The following TMEM52B variants were observed in gnomAD, a reference collection of about 807,000 sequenced individuals.
TMEM52B encodes transmembrane protein 52B.
In TMEM52B, 11 loss-of-function variants were observed where a neutral mutation model predicts 16.1. The observed-to-expected ratio is 0.68, with a 90% CI of 0.43 to 1.13. The LOEUF is 1.13. Among genes scored for constraint, TMEM52B ranks in the 50% most tolerant of loss-of-function variants. The pLI is 0.00. For synonymous variants in TMEM52B, 101 were observed against 93.8 expected, an observed-to-expected ratio of 1.08 and a Z score of -0.45; for missense variants, 243 against 230.4, an observed-to-expected ratio of 1.05 and a Z score of -0.35.
intron 3 of TMEM52B, among the ~76,000 whole-genome samples, chr12:10,185,851 GAC>G (rs1314235093): frequency 1.3e-5 from 2 of 152,174 alleles, no homozygotes; most frequent in African/African-American, 2.4e-5. Context: ...AGACCAGCCT[GAC>G]CAACCTGGAG....
upstream of TMEM52B, among the ~76,000 whole-genome samples, chr12:10,176,075 A>G (rs902958350): frequency 5.3e-5 from 8 of 152,188 alleles, no homozygotes; most frequent in African/African-American, 1.9e-4. Context: ...GAACTGCACA[A>G]GATTGTATAG....
intron 2 of TMEM52B, among the ~76,000 whole-genome samples, chr12:10,183,295 T>A (rs1291195794): frequency 6.6e-6 from 1 of 152,186 alleles, no homozygotes; most frequent in African/African-American, 2.4e-5. Context: ...CTTGATTACC[T>A]GTCACATGCA....
chr12:10,186,510 G>C lies in TMEM52B; in HGVS notation c.228G>C (p.Gly76=). The C allele has an allele frequency of 6.2e-7, 1 of 1,609,920 alleles. No homozygotes were observed. Among genetic ancestry groups the C allele is most frequent in the Middle Eastern group, 1.7e-4 (1 of 6,026 alleles). Residue 76 remains glycine (G), a synonymous_variant, in exon 4 of 5, where the codon GGG becomes GGC. Coordinates refer to ENST00000543484, the MANE Select transcript of TMEM52B (RefSeq NM_001384896.1). ...RCCCLSRQQN[G]EDGGPPPCEV... ...GCTGTCTGAGCCGCCAGCAAAATGG[G>C]GAAGATGGGGGCCCACCACCCTGTG... is the stretch of plus-strand genomic sequence containing the variant.
intron 1 of TMEM52B, chr12:10,182,216 G>A (rs1948833197): frequency 1.0e-6 from 1 of 984,682 alleles, no homozygotes; most frequent in Admixed American, 6.2e-5. Context: ...GGAATTAGGA[G>A]GACAATGGCA....
chr12:10,184,764 T>C (rs1467390360), intron 2 of TMEM52B, among the ~76,000 whole-genome samples: 1 of 152,230 alleles, frequency 6.6e-6, no homozygotes, highest in African/African-American at 2.4e-5. Flanking sequence ...ACCTCAAATA[T>C]ACACAAGCCT....
chr12:10,173,963 C>T (rs1393981514), intron 1 of TMEM52B, among the ~76,000 whole-genome samples: 2 of 152,116 alleles, frequency 1.3e-5, no homozygotes, highest in African/African-American at 4.8e-5. Flanking sequence ...CCATCACCAC[C>T]ATCCATCTCC....
In TMEM52B at chr12:10,179,432, G is replaced by A. The variant is rs138180301; in HGVS notation, c.-143G>A. ...GCGAGTAGGAGGAGACAGAGAGAACGAGAGAGAGAAAAGCTGATAAATTCC... is the reference window on the plus strand; with the variant it reads ...GCGAGTAGGAGGAGACAGAGAGAACAAGAGAGAGAAAAGCTGATAAATTCC... On this transcript the variant is annotated 5_prime_UTR_variant, in exon 1 of 5. Transcript: ENST00000543484. 4.2e-4 allele frequency: 353 copies of A among 836,992 alleles called. No homozygotes were observed. The highest frequency in any genetic ancestry group is 6.3e-4 in the Non-Finnish European group (309 of 494,266). 51.8% of individuals were successfully genotyped at this position (836,992 alleles called of 1,614,324 possible). A position where few individuals can be genotyped will look rare whatever the true frequency, so the allele number is the denominator to read the frequency against.
chr12:10,191,062 C>CTGAA lies in TMEM52B; in HGVS notation c.*923_*926dup, dbSNP rs112219782. On this transcript the variant is annotated 3_prime_UTR_variant, in exon 5 of 5. Transcript: ENST00000543484. The stretch of plus-strand genomic sequence containing the variant: ...GAGTTCTTGGAGCAAAAACTAAATG[C>CTGAA]TGAACTAAGCCTGGTTGAGATGCTT... 13,688 of 152,224 alleles carry CTGAA rather than the reference C, an allele frequency of 0.09. 764 individuals are homozygous for CTGAA. Among genetic ancestry groups the CTGAA allele is most frequent in the Non-Finnish European group, 0.13 (9,173 of 68,020 alleles). 9.4% of individuals were successfully genotyped at this position (152,224 alleles called of 1,614,324 possible). A position where few individuals can be genotyped will look rare whatever the true frequency, so the allele number is the denominator to read the frequency against.
Position 10,190,002 on chromosome 12 carries a change from T to C in TMEM52B, c.414T>C (p.Tyr138=). 3 of 1,614,168 alleles carry C rather than the reference T, an allele frequency of 1.9e-6. No homozygotes were observed. Among genetic ancestry groups the C allele is most frequent in the Non-Finnish European group, 2.5e-6 (3 of 1,180,040 alleles). ...LPSSLDTLPG[Y]EEALHMSRFT... ...CCTCTTTGGACACCCTCCCAGGGTA[T>C]GAAGAAGCTCTTCACATGAGTCGCT... The change falls in exon 5 of 5, where the codon TAT becomes TAC. Residue 138 remains tyrosine (Y), a synonymous_variant. Transcript: ENST00000543484.
In TMEM52B at chr12:10,191,776, A is replaced by G. The variant is rs1353982736; in HGVS notation, c.*1636A>G. Reference sequence around the variant, plus strand: ...AATGGCTTTGTTTTTATCAATAAATACTTGTTGATTGCGGTAAACAGCAAC... The same window carrying G: ...AATGGCTTTGTTTTTATCAATAAATGCTTGTTGATTGCGGTAAACAGCAAC... On this transcript the variant is annotated 3_prime_UTR_variant, in exon 5 of 5. Coordinates refer to ENST00000543484, the MANE Select transcript of TMEM52B (RefSeq NM_001384896.1). 1 of 152,182 alleles carries G rather than the reference A, an allele frequency of 6.6e-6. No homozygotes were observed. Among genetic ancestry groups the G allele is most frequent in the African/African-American group, 2.4e-5 (1 of 41,436 alleles). 9.4% of individuals were successfully genotyped at this position (152,182 alleles called of 1,614,324 possible).
chr12:10,171,906 G>A, intron 1 of TMEM52B: 1 of 816,370 alleles, frequency 1.2e-6, no homozygotes, highest in South Asian at 1.5e-5. Context: ...TCCCATACTT[G>A]GGTGTTTAGC....
rs2137566630 is a variant in TMEM52B, at chr12:10,190,222, A to G, written c.*82A>G. 6.4e-7 allele frequency: 1 copy of G among 1,554,646 alleles called. No homozygotes were observed. The highest frequency in any genetic ancestry group is 8.8e-7 in the Non-Finnish European group (1 of 1,138,484). On this transcript the variant is annotated 3_prime_UTR_variant, in exon 5 of 5. Coordinates refer to ENST00000543484, the MANE Select transcript of TMEM52B (RefSeq NM_001384896.1). ...TGGAACACATACTTTTCTAACCCTCAGAAGTTTTAAGATGGCATCTAACAC... is the reference window on the plus strand; with the variant it reads ...TGGAACACATACTTTTCTAACCCTCGGAAGTTTTAAGATGGCATCTAACAC...
At position 10,189,837 on chromosome 12, in the gene TMEM52B, C is replaced by G; in HGVS notation, c.308-59C>G. On this transcript the variant is annotated intron_variant, in intron 4 of 4. Coordinates refer to ENST00000543484, the MANE Select transcript of TMEM52B (RefSeq NM_001384896.1). ...CAGTTAAGTGTGAAGTAAGTCTCTG[C>G]TGTCTGAGGGTGTCCTGTTTCCCTT... The G allele has an allele frequency of 2.5e-6, 4 of 1,585,040 alleles. No individual in the cohort carries two copies. The South Asian group carries it at 3.4e-5, about 13-fold the overall frequency.
intron 1 of TMEM52B, among the ~76,000 whole-genome samples, chr12:10,171,311 A>G (rs1456408133): frequency 6.6e-6 from 1 of 152,202 alleles, no homozygotes; most frequent in Non-Finnish European, 1.5e-5. Flanking sequence ...CAGAACAGAT[A>G]TAGAATAAAA....
intron 2 of TMEM52B, among the ~76,000 whole-genome samples, chr12:10,184,368 C>T (rs74060602): frequency 0.034 from 5,128 of 152,250 alleles, 198 homozygotes; most frequent in African/African-American, 0.093. Context: ...CAGGGAACCC[C>T]CAATTTATAA....
upstream of TMEM52B, among the ~76,000 whole-genome samples, chr12:10,177,453 C>A (rs561607613): frequency 2.4e-3 from 358 of 152,154 alleles, no homozygotes; most frequent in African/African-American, 7.9e-3. Context: ...CAAGAGTCTC[C>A]CTTCCACAAT....
chr12:10,182,654 A>G, intron 2 of TMEM52B, 61 bp downstream of exon 2: 2 of 1,487,112 alleles, frequency 1.3e-6, no homozygotes, highest in Non-Finnish European at 1.8e-6. Flanking sequence ...CTACCCCAAA[A>G]GAGAGTCAAG....
At chr12:10,179,691 A>C in intron 1 of TMEM52B, 63 bp downstream of exon 1, 3 of 1,600,516 alleles carry the variant, frequency 1.9e-6, no homozygotes, top group Non-Finnish European at 2.6e-6. Context: ...CTCTCAGAAG[A>C]GTCTGAAAGG....
At position 10,190,081 on chromosome 12, in the gene TMEM52B, G is replaced by T. The variant is rs1475683765; in HGVS notation, c.493G>T (p.Glu165Ter). ...ACCTGATCTACCCCCAGTACCTGAA[G>T]AAAAGCAGCTGCCTCCAACAGAGAA... ...KAPDLPPVPE[E>*]KQLPPTEKES... The change falls in exon 5 of 5, where the codon GAA becomes TAA. Residue 165 changes from glutamate (E) to a stop codon, truncating the protein, a stop_gained. Coordinates refer to ENST00000543484, the MANE Select transcript of TMEM52B (RefSeq NM_001384896.1). LOFTEE classifies it low-confidence loss of function (END_TRUNC). The T allele has an allele frequency of 1.9e-5, 31 of 1,614,170 alleles. No individual in the cohort carries two copies. Among genetic ancestry groups the T allele is most frequent in the Admixed American group, 3.3e-5 (2 of 60,008 alleles).
Sources: gnomAD v4.1 joint callset for allele counts (sites outside exome capture counted in the v4.1 genomes callset) on GRCh38, gnomAD v4.1.1 for gene constraint, MANE v1.5 for transcripts, NCBI Gene and HGNC (gene_info 2026-07-23, HGNC 2026-07-21) for gene names.